Variants in FBLN1 observed in about 807,000 individuals in gnomAD.
FBLN1 encodes fibulin 1, also known as fibulin-1.
In FBLN1, 34 loss-of-function variants were observed where a neutral mutation model predicts 89.7. The ratio of observed to expected loss-of-function variants is 0.38; its 90% confidence interval spans 0.29 to 0.50. The LOEUF (loss-of-function observed/expected upper bound fraction) is 0.50, where lower values mean the gene tolerates loss of function less well. Ranked by LOEUF, FBLN1 falls within the 20% of genes least tolerant of loss-of-function variation. The pLI is 0.92. For synonymous variants in FBLN1, 393 were observed against 391.3 expected, an observed-to-expected ratio of 1.00 and a Z score of -0.05; for missense variants, 777 against 988.1, an observed-to-expected ratio of 0.79 and a Z score of 2.86.
chr22:45,509,347 C>G (rs1212964750), intron 1 of FBLN1, among the ~76,000 whole-genome samples: 1 of 152,194 alleles, frequency 6.6e-6, no homozygotes. Flanking sequence ...GTACCTTCTG[C>G]TCCTTCTCTC....
chr22:45,519,194 C>T (rs1017365522), intron 2 of FBLN1, among the ~76,000 whole-genome samples: 27 of 152,164 alleles, frequency 1.8e-4, no homozygotes, highest in African/African-American at 6.3e-4. Context: ...AATGAGCCGG[C>T]GCAGAGTGAA....
chr22:45,533,934 T>G, intron 7 of FBLN1, 36 bp downstream of exon 7: 1 of 1,612,850 alleles, frequency 6.2e-7, no homozygotes. Flanking sequence ...AACCTGGTCT[T>G]CCAGGCGTAG....
At chr22:45,523,226 G>A in intron 2 of FBLN1, 1 of 760,676 alleles carries the variant, frequency 1.3e-6, no homozygotes, top group Non-Finnish European at 2.5e-6. Flanking sequence ...AAGGCGGCCA[G>A]GGTGGCTGGA....
In FBLN1 at chr22:45,525,616, G is replaced by A. The variant is rs1258806822; in HGVS notation, c.259G>A (p.Glu87Lys). The A allele has an allele frequency of 9.0e-6, 14 of 1,551,018 alleles. No homozygotes were observed. The highest frequency in any genetic ancestry group is 2.4e-5 in the East Asian group (1 of 40,926). ...TGCCACGGGCATCAGCCTGGCCAAC[G>A]AGCAGGACCGCTGTGCCACGCCCCA... ...HCATGISLAN[E>K]QDRCATPHGD... is the part of the protein sequence containing the mutation. Residue 87 changes from glutamate (E) to lysine (K), a missense_variant, in exon 3 of 17, where the codon GAG becomes AAG. By Grantham distance (56) the Glu-to-Lys change is moderately conservative. Coordinates refer to ENST00000327858, the MANE Select transcript of FBLN1 (RefSeq NM_006486.3).
At chr22:45,512,719 A>G (rs1213603397) in intron 1 of FBLN1, among the ~76,000 whole-genome samples, 1 of 152,152 alleles carries the variant, frequency 6.6e-6, no homozygotes, top group Non-Finnish European at 1.5e-5. Context: ...CCCTCACAGG[A>G]CACACGGGGG....
In FBLN1 at chr22:45,502,955, GCCGCCGCCCACCGCCCGTCGC is replaced by G; in HGVS notation, c.-20_1del. On this transcript the variant is annotated 5_prime_UTR_variant, in exon 1 of 17. Coordinates refer to ENST00000327858, the MANE Select transcript of FBLN1 (RefSeq NM_006486.3). Reference sequence around the variant, plus strand: ...CAGGACCGCGCCCGCGCCTTTGTCCGCCGCCGCCCACCGCCCGTCGCCCGCCGCCCATGGAGCGCGCCGCGC... The same window carrying G: ...CAGGACCGCGCCCGCGCCTTTGTCCGCCGCCGCCCATGGAGCGCGCCGCGC... 3 of 1,040,768 alleles carry G rather than the reference GCCGCCGCCCACCGCCCGTCGC, an allele frequency of 2.9e-6. No individual in the cohort carries two copies. The highest frequency in any genetic ancestry group is 4.3e-5 in the South Asian group (1 of 23,066). 64.5% of individuals were successfully genotyped at this position (1,040,768 alleles called of 1,614,324 possible). A position where few individuals can be genotyped will look rare whatever the true frequency, so the allele number is the denominator to read the frequency against.
Position 45,580,265 on chromosome 22 carries a change from G to A in FBLN1, c.1972+3157G>A, listed in dbSNP as rs192258924. Among the ~76,000 whole-genome samples the A allele has an allele frequency of 5.1e-3, 772 of 152,262 alleles. 5 individuals are homozygous for A. Among genetic ancestry groups the A allele is most frequent in the African/African-American group, 0.018 (730 of 41,554 alleles). ...CCAGGGCTGCTGCTCCTGGTGGGGA[G>A]CGTGGGAGGCTCTTGAGCCTCCTGG... is the stretch of plus-strand genomic sequence containing the variant. On this transcript the variant is annotated intron_variant, in intron 16 of 16. Coordinates refer to ENST00000327858, the MANE Select transcript of FBLN1 (RefSeq NM_006486.3). The surrounding 1 kb of genome is among the most constrained non-coding windows in gnomAD (Gnocchi z 8.6).
intron 16 of FBLN1, among the ~76,000 whole-genome samples, chr22:45,591,017 A>G (rs764665313): frequency 3.3e-5 from 5 of 152,054 alleles, no homozygotes; most frequent in Non-Finnish European, 7.4e-5. Context: ...AGGGGACATG[A>G]TTTCTTATCC....
At position 45,536,428 on chromosome 22, in the gene FBLN1, G is replaced by A. The variant is rs2088483418; in HGVS notation, c.922+1091G>A. Among the ~76,000 whole-genome samples, 1 of 152,126 alleles carries A rather than the reference G, an allele frequency of 6.6e-6. No individual in the cohort carries two copies. The highest frequency in any genetic ancestry group is 2.4e-5 in the African/African-American group (1 of 41,418). On this transcript the variant is annotated intron_variant, in intron 8 of 16. Transcript: ENST00000327858. This position sits in a 1 kb window ranked among gnomAD's most constrained non-coding sequence, Gnocchi z 5.1. ...AAATGGTTACGATGGCAGATTTTGT[G>A]TTACATAAAATTTGTAGTTCACATG...
In FBLN1 at chr22:45,576,875, G is replaced by T. The variant is rs535962441; in HGVS notation, c.1841-102G>T. 1,230 of 1,424,110 alleles carry T rather than the reference G, an allele frequency of 8.6e-4. No homozygotes were observed. Among genetic ancestry groups the T allele is most frequent in the Non-Finnish European group, 1.1e-3 (1,174 of 1,026,978 alleles). 88.2% of individuals were successfully genotyped at this position (1,424,110 alleles called of 1,614,324 possible). A position where few individuals can be genotyped will look rare whatever the true frequency, so the allele number is the denominator to read the frequency against. ...GATGTTGTCTCATGAAAGGGCCCTG[G>T]GTTAGGTCTTCATTCCCCAAGGGTG... On this transcript the variant is annotated intron_variant, in intron 15 of 16. Transcript: ENST00000327858. This position sits in a 1 kb window ranked among gnomAD's most constrained non-coding sequence, Gnocchi z 5.2.
chr22:45,551,607 G>A (rs902481367), intron 14 of FBLN1, among the ~76,000 whole-genome samples: 1 of 152,216 alleles, frequency 6.6e-6, no homozygotes, highest in South Asian at 2.1e-4. Context: ...TCCCAGCACG[G>A]ATTTCTGTCT....
chr22:45,569,220 T>G (rs960935439), intron 14 of FBLN1, among the ~76,000 whole-genome samples: 1 of 152,214 alleles, frequency 6.6e-6, no homozygotes, highest in African/African-American at 2.4e-5. Flanking sequence ...ATTCATATGT[T>G]GAATTCCTAA....
rs1350335831 is a variant in FBLN1, at chr22:45,508,286, C to CTTTTTTTTTTTTTTTTTTT, written c.79+5231_79+5232insTTTTTTTTTTTTTTTTTTT. 3.9e-5 allele frequency among the ~76,000 whole-genome samples: 5 copies of CTTTTTTTTTTTTTTTTTTT among 129,142 alleles called. 1 individual carries two copies. The highest frequency in any genetic ancestry group is 4.9e-5 in the Non-Finnish European group (3 of 61,694). The allele number at this position is 129,142 out of a possible 152,430, so 84.7% of individuals were successfully genotyped here. ...CAGCACACTGGACAGCCTCGCGTAT[C>CTTTTTTTTTTTTTTTTTTT]TTTTTTTTTGAGACGGAGTCTTGCA... is the stretch of plus-strand genomic sequence containing the variant. On this transcript the variant is annotated intron_variant, in intron 1 of 16. Transcript: ENST00000327858.
chr22:45,535,551 T>C, intron 8 of FBLN1: 1 of 582,944 alleles, frequency 1.7e-6, no homozygotes, highest in Non-Finnish European at 3.0e-6. Context: ...GCTGTTATAG[T>C]CTAAAGCGGC....
In FBLN1 at chr22:45,580,459, T is replaced by C. The variant is rs1238012306; in HGVS notation, c.1972+3351T>C. Among the ~76,000 whole-genome samples, 3 of 152,128 alleles carry C rather than the reference T, an allele frequency of 2.0e-5. No individual in the cohort carries two copies. The highest frequency in any genetic ancestry group is 4.4e-5 in the Non-Finnish European group (3 of 67,992). ...GAGGCCCGAGCTGAGTGTCCTTGCA[T>C]GTGAGGGAGTGACACTTAGTGAGCA... On this transcript the variant is annotated intron_variant, in intron 16 of 16. Coordinates refer to ENST00000327858, the MANE Select transcript of FBLN1 (RefSeq NM_006486.3). This position sits in a 1 kb window ranked among gnomAD's most constrained non-coding sequence, Gnocchi z 8.6.
intron 1 of FBLN1, 90 bp downstream of exon 1, chr22:45,503,154 G>A: frequency 9.5e-7 from 1 of 1,052,318 alleles, no homozygotes; most frequent in Non-Finnish European, 1.2e-6. Flanking sequence ...ACGGGGACTC[G>A]GAGTCCGTGC....
intron 4 of FBLN1, among the ~76,000 whole-genome samples, chr22:45,529,593 C>T (rs370328150): frequency 4.6e-5 from 7 of 152,138 alleles, no homozygotes; most frequent in African/African-American, 1.4e-4. Context: ...GAGCTGGGCA[C>T]GGTGGCTCAC....
intron 16 of FBLN1, among the ~76,000 whole-genome samples, chr22:45,585,136 G>T (rs1231084129): frequency 6.6e-6 from 1 of 152,192 alleles, no homozygotes; most frequent in Non-Finnish European, 1.5e-5. Context: ...GTGGCGTGTG[G>T]CAGGGCTGCT....
In FBLN1 at chr22:45,600,458, C is replaced by T; in HGVS notation, c.*12C>T. 5.0e-6 allele frequency: 8 copies of T among 1,614,086 alleles called. 1 individual carries two copies. Among genetic ancestry groups the T allele is most frequent in the African/African-American group, 4.0e-5 (3 of 75,034 alleles). On this transcript the variant is annotated 3_prime_UTR_variant, in exon 17 of 17. Coordinates refer to ENST00000327858, the MANE Select transcript of FBLN1 (RefSeq NM_006486.3). ...AGTACTGGTTCTGAGGGCTGGTCTG[C>T]CGCACAGCCGCAGGTGCACCTCCAG...
Sources: allele counts gnomAD v4.1 joint callset (sites outside exome capture counted in the v4.1 genomes callset), GRCh38; gene constraint gnomAD v4.1.1; non-coding constraint Gnocchi (gnomAD v3.1); transcripts MANE v1.5; gene names NCBI Gene and HGNC (gene_info 2026-07-23, HGNC 2026-07-21).